The following RABGEF1 variants were observed in gnomAD, a reference collection of about 807,000 sequenced individuals.
RABGEF1 encodes the protein RAB guanine nucleotide exchange factor 1.
RABGEF1 carries 26 observed loss-of-function variants against 57.3 expected under a neutral mutation model. The observed-to-expected ratio is 0.45, with a 90% CI of 0.33 to 0.63. The LOEUF (loss-of-function observed/expected upper bound fraction) is 0.63. RABGEF1 is among the 20% of genes least tolerant of loss of function. The probability of loss-of-function intolerance (pLI) is 0.02; values close to 1 mark genes in which losing one functional copy is unlikely to be tolerated. For missense variants in RABGEF1, 464 were observed against 607.6 expected, an observed-to-expected ratio of 0.76 and a Z score of 2.48; for synonymous variants, 185 against 210.7, an observed-to-expected ratio of 0.88 and a Z score of 1.06.
chr7:66,686,745 T>A (rs1790695325), intron 1 of RABGEF1, among the ~76,000 whole-genome samples: 1 of 152,170 alleles, frequency 6.6e-6, no homozygotes, highest in African/African-American at 2.4e-5. Flanking sequence ...AAGTTTCCTG[T>A]GAAATTCCTG....
chr7:66,663,247 T>A, the RABGEF1 span, among the ~76,000 whole-genome samples: 9 of 152,332 alleles, frequency 5.9e-5, 1 homozygote, highest in South Asian at 1.9e-3. Flanking sequence ...GGTTTGCTGT[T>A]AATAAATATG....
chr7:66,787,764 A>G (rs1584119246), intron 4 of RABGEF1, among the ~76,000 whole-genome samples: 1 of 152,246 alleles, frequency 6.6e-6, no homozygotes, highest in South Asian at 2.1e-4. Context: ...TCATCTGGAC[A>G]GAGCTTCATG....
intron 2 of RABGEF1, among the ~76,000 whole-genome samples, chr7:66,716,822 G>A (rs1291911734): frequency 6.6e-6 from 1 of 151,942 alleles, no homozygotes; most frequent in African/African-American, 2.4e-5. Flanking sequence ...TCTGTTGCCC[G>A]GGCTGGAGTG....
At chr7:66,776,120 C>G (rs146807338) in intron 3 of RABGEF1, among the ~76,000 whole-genome samples, 3 of 152,206 alleles carry the variant, frequency 2.0e-5, no homozygotes, top group African/African-American at 7.2e-5. Context: ...TATGTTGGTA[C>G]TCAGAGTTAT....
chr7:66,696,817 G>GC (rs1442721052), intron 1 of RABGEF1, among the ~76,000 whole-genome samples: 4 of 152,250 alleles, frequency 2.6e-5, no homozygotes, highest in African/African-American at 7.2e-5. Context: ...AGCACATCTG[G>GC]CCCCCCATCT....
intron 1 of RABGEF1, among the ~76,000 whole-genome samples, chr7:66,698,255 C>T (rs1019308454): frequency 1.3e-5 from 2 of 152,242 alleles, no homozygotes; most frequent in Non-Finnish European, 1.5e-5. Flanking sequence ...GCAAGGCCAG[C>T]GTCCCAGGCT....
At chr7:66,734,065 G>C (rs1454282683) in intron 2 of RABGEF1, among the ~76,000 whole-genome samples, 5 of 152,102 alleles carry the variant, frequency 3.3e-5, no homozygotes, top group Admixed American at 3.3e-4. Context: ...CCTTTTTTCT[G>C]TGGCCCCATT....
At chr7:66,680,316 G>A (rs182675690), upstream of RABGEF1, among the ~76,000 whole-genome samples, 9 of 151,582 alleles carry the variant, frequency 5.9e-5, no homozygotes, top group Admixed American at 3.3e-4. Context: ...TCGTGATCTC[G>A]GCTCACTGCA....
At chr7:66,677,785 T>G (rs1338968666), upstream of RABGEF1, among the ~76,000 whole-genome samples, 5 of 124,592 alleles carry the variant, frequency 4.0e-5, no homozygotes, top group Non-Finnish European at 8.5e-5. Flanking sequence ...AAAAAAGAAA[T>G]CTACAAAGGA....
chr7:66,658,659 T>A, the RABGEF1 span, among the ~76,000 whole-genome samples: 7 of 152,210 alleles, frequency 4.6e-5, no homozygotes, highest in African/African-American at 1.7e-4. Context: ...CAGTGAATTC[T>A]ACCAGACATT....
chr7:66,788,628 G>T (rs1193711567), intron 4 of RABGEF1, among the ~76,000 whole-genome samples: 2 of 152,022 alleles, frequency 1.3e-5, no homozygotes, highest in Non-Finnish European at 2.9e-5. Context: ...AAGCAGTTAA[G>T]CACAACATAA....
chr7:66,750,394 C>T (rs1207598053), intron 1 of RABGEF1, among the ~76,000 whole-genome samples: 1 of 152,112 alleles, frequency 6.6e-6, no homozygotes, highest in Non-Finnish European at 1.5e-5. Flanking sequence ...TATTTAAGTT[C>T]TTTAAATACC....
At chr7:66,753,895 T>G (rs1391073072) in intron 1 of RABGEF1, among the ~76,000 whole-genome samples, 1 of 150,414 alleles carries the variant, frequency 6.6e-6, no homozygotes, top group Non-Finnish European at 1.5e-5. Context: ...TTAGTAGAGA[T>G]GGGGTTTTAC....
At chr7:66,728,795 T>G (rs1023792483) in intron 2 of RABGEF1, among the ~76,000 whole-genome samples, 7 of 27,250 alleles carry the variant, frequency 2.6e-4, no homozygotes, top group African/African-American at 1.0e-3. Flanking sequence ...TTCACCTCCA[T>G]CCTCACCTCC....
At chr7:66,683,079 C>T (rs1173522756) in intron 1 of RABGEF1, among the ~76,000 whole-genome samples, 1 of 152,138 alleles carries the variant, frequency 6.6e-6, no homozygotes, top group African/African-American at 2.4e-5. Context: ...ACCGGAGCAC[C>T]TTGGGAGTTG....
At chr7:66,682,728 C>T (rs941648629) in intron 1 of RABGEF1, among the ~76,000 whole-genome samples, 2 of 152,124 alleles carry the variant, frequency 1.3e-5, no homozygotes, top group Admixed American at 6.6e-5. Flanking sequence ...GGGATTTGAT[C>T]CCGCGTCGCC....
chr7:66,735,225 G>A (rs1292132896), intron 2 of RABGEF1, among the ~76,000 whole-genome samples: 1 of 152,116 alleles, frequency 6.6e-6, no homozygotes, highest in Admixed American at 6.6e-5. Flanking sequence ...ATCATGGCTT[G>A]CATTTTTAGG....
chr7:66,748,664 C>G lies in RABGEF1; in HGVS notation c.-18+7872C>G, dbSNP rs1004198690. On this transcript the variant is annotated intron_variant, in intron 1 of 8. Coordinates refer to ENST00000284957, the MANE Select transcript of RABGEF1 (RefSeq NM_014504.3). ...TCTACCCAGCCATCTTAATGAAATT[C>G]TACACAGTAAGAATTTCCTTTTCCA... Among the ~76,000 whole-genome samples the G allele has an allele frequency of 2.0e-5, 3 of 152,298 alleles. No individual in the cohort carries two copies. The South Asian group carries it at 6.2e-4, about 32-fold the overall frequency.
chr7:66,742,824 C>A (rs973447584), intron 1 of RABGEF1, among the ~76,000 whole-genome samples: 2 of 152,154 alleles, frequency 1.3e-5, no homozygotes, highest in South Asian at 2.1e-4. Flanking sequence ...CCTGGCTGAT[C>A]TCAAACTCCT....
Sources: gnomAD v4.1 joint callset for allele counts (sites outside exome capture counted in the v4.1 genomes callset) on GRCh38, gnomAD v4.1.1 for gene constraint, MANE v1.5 for transcripts, NCBI Gene and HGNC (gene_info 2026-07-23, HGNC 2026-07-21) for gene names.